ZNF470: variants seen among roughly 807,000 people sequenced by gnomAD.
The protein encoded by ZNF470 is zinc finger protein 470, also known as chondrogenesis zinc finger protein 1.
ZNF470 carries 13 observed loss-of-function variants against 13.9 expected under a neutral mutation model. The observed-to-expected ratio is 0.94, with a 90% confidence interval of 0.61 to 1.49. The LOEUF (loss-of-function observed/expected upper bound fraction) is 1.49. Among genes scored for constraint, ZNF470 ranks in the 40% most tolerant of loss-of-function variants. The pLI, the probability that ZNF470 is intolerant of heterozygous loss-of-function variation, is 0.00. For synonymous variants in ZNF470, 293 were observed against 282.9 expected, an observed-to-expected ratio of 1.04 and a Z score of -0.36; for missense variants, 929 against 857.3, an observed-to-expected ratio of 1.08 and a Z score of -1.04.
Position 56,582,527 on chromosome 19 carries a change from G to A in ZNF470, c.*3944G>A. 3 of 985,422 alleles carry A rather than the reference G, an allele frequency of 3.0e-6. No homozygotes were observed. Among genetic ancestry groups the A allele is most frequent in the South Asian group, 4.7e-5 (1 of 21,292 alleles). The allele number at this position is 985,422 out of a possible 1,614,324, so 61.0% of individuals were successfully genotyped here. On this transcript the variant is annotated 3_prime_UTR_variant, in exon 6 of 6. Coordinates refer to ENST00000330619, the MANE Select transcript of ZNF470 (RefSeq NM_001001668.4). ...CACTGTGAATTGAATTGTGAATTCAGTTCTGAATTGTGTTCCCACCAGCAC... is the reference window on the plus strand; with the variant it reads ...CACTGTGAATTGAATTGTGAATTCAATTCTGAATTGTGTTCCCACCAGCAC...
chr19:56,572,634 C>G (rs2044463552), intron 3 of ZNF470, among the ~76,000 whole-genome samples: 1 of 149,572 alleles, frequency 6.7e-6, no homozygotes. Flanking sequence ...CTTCAAGAGA[C>G]TCAAAACCTG....
Position 56,577,747 on chromosome 19 carries a change from C to G in ZNF470, c.1318C>G (p.Leu440Val), listed in dbSNP as rs767622553. 6.2e-7 allele frequency: 1 copy of G among 1,613,792 alleles called. No homozygotes were observed. The highest frequency in any genetic ancestry group is 2.2e-5 in the East Asian group (1 of 44,860). ...GAAGGCTTTTAGCCATGGCTCATCTCTGACAGTACATCAGAGAATTCATAC... is the reference window on the plus strand; with the variant it reads ...GAAGGCTTTTAGCCATGGCTCATCTGTGACAGTACATCAGAGAATTCATAC... Reference protein sequence around the residue: ...CGKAFSHGSSLTVHQRIHTGE... With the variant: ...CGKAFSHGSSVTVHQRIHTGE... Residue 440 changes from leucine (L) to valine (V), a missense_variant, in exon 6 of 6, where the codon CTG (leucine) becomes GTG (valine). Coordinates refer to ENST00000330619, the MANE Select transcript of ZNF470 (RefSeq NM_001001668.4).
chr19:56,570,240 T>C (rs956166461), intron 2 of ZNF470, 40 bp from the exon 3 acceptor site: 11 of 1,433,854 alleles, frequency 7.7e-6, no homozygotes, highest in Non-Finnish European at 1.1e-5. Flanking sequence ...CTTTGATTAT[T>C]AGTGCTACTT....
At chr19:56,569,871 T>G (rs1226050379) in intron 2 of ZNF470, among the ~76,000 whole-genome samples, 10 of 152,080 alleles carry the variant, frequency 6.6e-5, no homozygotes. Context: ...ATGCCTGTAA[T>G]CTTAGCTACT....
intron 1 of ZNF470, 98 bp downstream of exon 1, chr19:56,568,136 T>A: frequency 4.1e-6 from 4 of 983,742 alleles, no homozygotes; most frequent in Non-Finnish European, 4.8e-6. Context: ...ATGTCCCCCG[T>A]TTCTAAGGCT....
chr19:56,574,482 A>G lies in ZNF470; in HGVS notation c.149A>G (p.Lys50Arg), dbSNP rs1233462782. 1 of 1,613,868 alleles carries G rather than the reference A, an allele frequency of 6.2e-7. No homozygotes were observed. The highest frequency in any genetic ancestry group is 1.3e-5 in the African/African-American group (1 of 74,950). Residue 50 changes from lysine to arginine, a missense_variant, in exon 4 of 6, where the codon AAG becomes AGG. By Grantham distance (26) the Lys-to-Arg change is conservative. Coordinates refer to ENST00000330619, the MANE Select transcript of ZNF470 (RefSeq NM_001001668.4). ...LNLAQRSLYKKVMLENYRNLV... is the reference protein window; with the variant it reads ...LNLAQRSLYKRVMLENYRNLV... ...CTTGCTCAGAGAAGTTTGTACAAGA[A>G]GGTGATGTTAGAAAACTACAGGAAC... is the stretch of plus-strand genomic sequence containing the variant.
rs1185540176 is a variant in ZNF470 at position 56,576,953 on chromosome 19, A to T, written c.524A>T (p.Asn175Ile). Residue 175 changes from asparagine (N) to isoleucine (I), a missense_variant, in exon 6 of 6, where the codon AAC becomes ATC. Asn to Ile is a moderately radical substitution (Grantham distance 149). Transcript: ENST00000330619. ...DTLIEKRDHS[N>I]KSGTVFHLNT... ...CTTATTGAAAAAAGAGATCACTCTAACAAATCTGGGACAGTTTTTCATCTG... is the reference window on the plus strand; with the variant it reads ...CTTATTGAAAAAAGAGATCACTCTATCAAATCTGGGACAGTTTTTCATCTG... 1 of 1,586,890 alleles carries T rather than the reference A, an allele frequency of 6.3e-7. No homozygotes were observed.
chr19:56,574,255 C>A, intron 3 of ZNF470, 139 bp from the exon 4 acceptor site: 3 of 1,341,154 alleles, frequency 2.2e-6, no homozygotes, highest in Non-Finnish European at 3.2e-6. Flanking sequence ...CTTACCTGAC[C>A]CGGATCATTT....
At chr19:56,570,745 G>T (rs780279351) in intron 3 of ZNF470, among the ~76,000 whole-genome samples, 7 of 152,136 alleles carry the variant, frequency 4.6e-5, no homozygotes, top group Non-Finnish European at 8.8e-5. Context: ...ATAATCTGCT[G>T]GAGAAATGAA....
At chr19:56,572,249 A>C (rs2044456794) in intron 3 of ZNF470, among the ~76,000 whole-genome samples, 1 of 135,972 alleles carries the variant, frequency 7.4e-6, no homozygotes, top group South Asian at 2.5e-4. Flanking sequence ...CACACCTGTG[A>C]TCCCAGCACT....
At chr19:56,574,548 C>T (rs1250433102) in intron 4 of ZNF470, 28 bp downstream of exon 4, 4 of 1,612,654 alleles carry the variant, frequency 2.5e-6, no homozygotes, top group African/African-American at 2.7e-5. Context: ...CTGTTGCCTC[C>T]CCATGACTCA....
rs1224795290 is a variant in ZNF470 at position 56,580,144 on chromosome 19, C to T, written c.*1561C>T. 1 of 984,570 alleles carries T rather than the reference C, an allele frequency of 1.0e-6. No individual in the cohort carries two copies. The highest frequency in any genetic ancestry group is 1.1e-4 in the East Asian group (1 of 8,824). The allele number at this position is 984,570 out of a possible 1,614,324, so 61.0% of individuals were successfully genotyped here. A position where few individuals can be genotyped will look rare whatever the true frequency, so the allele number is the denominator to read the frequency against. On this transcript the variant is annotated 3_prime_UTR_variant, in exon 6 of 6. Coordinates refer to ENST00000330619, the MANE Select transcript of ZNF470 (RefSeq NM_001001668.4). ...AGTGCTGGATCAGGCACCTTACTAT[C>T]CCCAGAACATGTTGGTATTAGAGGA...
At position 56,577,253 on chromosome 19, in the gene ZNF470, A is replaced by G. The variant is rs951012144; in HGVS notation, c.824A>G (p.Gln275Arg). 5.0e-6 allele frequency: 8 copies of G among 1,612,128 alleles called. No homozygotes were observed. The East Asian group carries it at 1.6e-4, about 31-fold the overall frequency. ...CAGAGTGCCCACCTTGCTCAACATC[A>G]GAGAATACACACAGGAGAAAAACCT... ...FSQSAHLAQH[Q>R]RIHTGEKPFE... Residue 275 changes from glutamine to arginine, a missense_variant, in exon 6 of 6, where the codon CAG (glutamine) becomes CGG (arginine). Transcript: ENST00000330619.
At chr19:56,575,726 G>A (rs1376512710) in intron 5 of ZNF470, among the ~76,000 whole-genome samples, 5 of 152,046 alleles carry the variant, frequency 3.3e-5, no homozygotes, top group Non-Finnish European at 1.5e-5. Flanking sequence ...TCCCACCACA[G>A]CTTCTTGAGT....
At position 56,578,853 on chromosome 19, in the gene ZNF470, A is replaced by G. The variant is rs1004533851; in HGVS notation, c.*270A>G. 4.4e-6 allele frequency: 5 copies of G among 1,142,172 alleles called. No homozygotes were observed. The highest frequency in any genetic ancestry group is 8.5e-5 in the Admixed American group (2 of 23,478). The allele number at this position is 1,142,172 out of a possible 1,614,324, so 70.8% of individuals were successfully genotyped here. On this transcript the variant is annotated 3_prime_UTR_variant, in exon 6 of 6. Transcript: ENST00000330619. Reference sequence around the variant, plus strand: ...TCAAGGATTTAGCACACACTGGCATATAGTTATTGCTAAATAAATGCTAGC... The same window carrying G: ...TCAAGGATTTAGCACACACTGGCATGTAGTTATTGCTAAATAAATGCTAGC...
intron 3 of ZNF470, 68 bp downstream of exon 3, chr19:56,570,439 T>C: frequency 6.7e-7 from 1 of 1,491,996 alleles, no homozygotes; most frequent in African/African-American, 1.4e-5. Flanking sequence ...ATACTTGTTT[T>C]CTTCTGAAAA....
At position 56,580,540 on chromosome 19, in the gene ZNF470, A is replaced by G. The variant is rs2044527608; in HGVS notation, c.*1957A>G. 1 of 152,056 alleles carries G rather than the reference A, an allele frequency of 6.6e-6. No individual in the cohort carries two copies. The highest frequency in any genetic ancestry group is 2.4e-5 in the African/African-American group (1 of 41,320). 9.4% of individuals were successfully genotyped at this position (152,056 alleles called of 1,614,324 possible). ...CCACCATCAATTTTAGAACATTTTC[A>G]TCACCTCAAAGAGGAATCCCTTGTC... On this transcript the variant is annotated 3_prime_UTR_variant, in exon 6 of 6. Coordinates refer to ENST00000330619, the MANE Select transcript of ZNF470 (RefSeq NM_001001668.4).
chr19:56,574,783 G>A lies in ZNF470; in HGVS notation c.283+50G>A, dbSNP rs184707318. On this transcript the variant is annotated intron_variant, in intron 5 of 5. Coordinates refer to ENST00000330619, the MANE Select transcript of ZNF470 (RefSeq NM_001001668.4). ...AAGGAACTGTTCTCAACATGTTCTT[G>A]TCTCTGAAGTGTGTTGGAAAACACC... 3.5e-3 allele frequency: 5,263 copies of A among 1,518,864 alleles called. 10 individuals carry two copies. The highest frequency in any genetic ancestry group is 4.0e-3 in the Non-Finnish European group (4,427 of 1,113,010). 94.1% of individuals were successfully genotyped at this position (1,518,864 alleles called of 1,614,324 possible).
Position 56,581,618 on chromosome 19 carries a change from A to T in ZNF470, c.*3035A>T. 1 of 888,664 alleles carries T rather than the reference A, an allele frequency of 1.1e-6. No individual in the cohort carries two copies. Among genetic ancestry groups the T allele is most frequent in the Non-Finnish European group, 1.3e-6 (1 of 741,776 alleles). 55.0% of individuals were successfully genotyped at this position (888,664 alleles called of 1,614,324 possible). A position where few individuals can be genotyped will look rare whatever the true frequency, so the allele number is the denominator to read the frequency against. Reference sequence around the variant, plus strand: ...TAGAAAGATAGCTGTGCTATACTAAATGAAAAATTGCAGACCTGTATTGTA... The same window carrying T: ...TAGAAAGATAGCTGTGCTATACTAATTGAAAAATTGCAGACCTGTATTGTA... On this transcript the variant is annotated 3_prime_UTR_variant, in exon 6 of 6. Coordinates refer to ENST00000330619, the MANE Select transcript of ZNF470 (RefSeq NM_001001668.4).
Sources: allele counts gnomAD v4.1 joint callset (sites outside exome capture counted in the v4.1 genomes callset), GRCh38; gene constraint gnomAD v4.1.1; transcripts MANE v1.5; gene names NCBI Gene and HGNC (gene_info 2026-07-23, HGNC 2026-07-21).